Variants in TRPC1 observed in about 807,000 individuals in gnomAD.
TRPC1 encodes the protein transient receptor potential cation channel subfamily C member 1.
TRPC1 carries 42 observed loss-of-function variants against 88.2 expected under a neutral mutation model. That is an observed-to-expected ratio of 0.48 (90% confidence interval 0.37 to 0.62). TRPC1 has a LOEUF of 0.62. TRPC1 is among the 20% of genes least tolerant of loss of function. The pLI, the probability that TRPC1 is intolerant of heterozygous loss-of-function variation, is 0.00. For missense variants in TRPC1, 699 were observed against 957.3 expected, an observed-to-expected ratio of 0.73 and a Z score of 3.56; for synonymous variants, 288 against 331.8, an observed-to-expected ratio of 0.87 and a Z score of 1.43.
intron 4 of TRPC1, among the ~76,000 whole-genome samples, chr3:142,765,223 A>C (rs1391423305): frequency 2.0e-5 from 3 of 152,208 alleles, no homozygotes; most frequent in Non-Finnish European, 4.4e-5. Flanking sequence ...GGAAGAATTA[A>C]TAGTGTTAAA....
In TRPC1 at chr3:142,804,543, G is replaced by A. The variant is rs774811828; in HGVS notation, c.2067G>A (p.Lys689=). ...CTTTCAACATCATTCCCTCACCAAA[G>A]ACTATCTGCTATATGATTAGTAGCC... ...PPPFNIIPSP[K]TICYMISSLS... Residue 689 remains lysine, a synonymous_variant, in exon 12 of 13, where the codon AAG becomes AAA. Transcript: ENST00000476941. The A allele has an allele frequency of 6.2e-6, 10 of 1,613,590 alleles. No homozygotes were observed. Among genetic ancestry groups the A allele is most frequent in the Non-Finnish European group, 8.5e-6 (10 of 1,179,752 alleles).
chr3:142,784,865 T>C lies in TRPC1; in HGVS notation c.1122T>C (p.Ser374=). The C allele has an allele frequency of 6.2e-7, 1 of 1,614,162 alleles. No individual in the cohort carries two copies. Among genetic ancestry groups the C allele is most frequent in the Non-Finnish European group, 8.5e-7 (1 of 1,180,010 alleles). Residue 374 remains serine, a synonymous_variant, in exon 7 of 13, where the codon TCT becomes TCC. Coordinates refer to ENST00000476941, the MANE Select transcript of TRPC1 (RefSeq NM_001251845.2). ...LSLCYLIAPK[S]QFGRIIHTPF... The stretch of plus-strand genomic sequence containing the variant: ...TTTGTTATTTGATAGCTCCCAAATC[T>C]CAGTTTGGCAGAATCATTCACACAC...
chr3:142,791,244 C>T, intron 8 of TRPC1, 86 bp downstream of exon 8: 2 of 1,230,718 alleles, frequency 1.6e-6, no homozygotes, highest in Non-Finnish European at 2.2e-6. Flanking sequence ...CTCAGAGTTA[C>T]ATTGAGCCAG....
Position 142,780,238 on chromosome 3 carries a change from C to T in TRPC1, c.765-596C>T, listed in dbSNP as rs967721077. ...CCTGCCTTTAATAAGCAGTTCAAAC[C>T]CAAGATTCAAGGAATAGGGATTCTG... On this transcript the variant is annotated intron_variant, in intron 5 of 12. Coordinates refer to ENST00000476941, the MANE Select transcript of TRPC1 (RefSeq NM_001251845.2). Among the ~76,000 whole-genome samples the T allele has an allele frequency of 2.6e-5, 4 of 152,110 alleles. No individual in the cohort carries two copies. The South Asian group carries it at 6.2e-4, about 24-fold the overall frequency.
At position 142,802,335 on chromosome 3, in the gene TRPC1, C is replaced by G; in HGVS notation, c.1748C>G (p.Thr583Ser). Reference protein sequence around the residue: ...GIFCEQQSNDTFHSFIGTCFA... With the variant: ...GIFCEQQSNDSFHSFIGTCFA... ...TTCTGTGAACAGCAAAGCAATGATA[C>G]CTTCCATTCGTGAGTATCTTTTAAA... Residue 583 changes from threonine to serine, a missense_variant, in exon 10 of 13, where the codon ACC becomes AGC. By Grantham distance (58) the Thr-to-Ser change is moderately conservative. Coordinates refer to ENST00000476941, the MANE Select transcript of TRPC1 (RefSeq NM_001251845.2). 7.0e-7 allele frequency: 1 copy of G among 1,421,492 alleles called. No homozygotes were observed. Among genetic ancestry groups the G allele is most frequent in the African/African-American group, 1.5e-5 (1 of 67,874 alleles). 88.1% of individuals were successfully genotyped at this position (1,421,492 alleles called of 1,614,324 possible).
intron 7 of TRPC1, among the ~76,000 whole-genome samples, chr3:142,790,705 T>C (rs994499582): frequency 6.6e-6 from 1 of 152,046 alleles, no homozygotes; most frequent in African/African-American, 2.4e-5. Flanking sequence ...TATCCCTGTG[T>C]ATGCATCCAT....
intron 4 of TRPC1, among the ~76,000 whole-genome samples, chr3:142,752,224 A>G (rs1256308611): frequency 1.3e-5 from 2 of 152,198 alleles, no homozygotes; most frequent in African/African-American, 4.8e-5. Context: ...CTCAGTTTTT[A>G]TTGATTATTA....
chr3:142,742,124 C>G (rs552837998), intron 2 of TRPC1, among the ~76,000 whole-genome samples: 9 of 150,224 alleles, frequency 6.0e-5, no homozygotes, highest in Non-Finnish European at 1.3e-4. Context: ...GATTGTGCCA[C>G]TGCACTCCAG....
intron 4 of TRPC1, among the ~76,000 whole-genome samples, chr3:142,764,295 A>G (rs1048269791): frequency 6.6e-6 from 1 of 152,064 alleles, no homozygotes; most frequent in Non-Finnish European, 1.5e-5. Context: ...ATTGTACACC[A>G]CAGATACAGT....
intron 7 of TRPC1, among the ~76,000 whole-genome samples, chr3:142,787,218 A>G (rs1164014070): frequency 2.0e-5 from 3 of 152,214 alleles, no homozygotes; most frequent in African/African-American, 7.2e-5. Flanking sequence ...TTTGATCTGA[A>G]TAAGCCTTGC....
intron 6 of TRPC1, 49 bp from the exon 7 acceptor site, chr3:142,784,655 G>C (rs1307228182): frequency 7.1e-7 from 1 of 1,411,932 alleles, no homozygotes; most frequent in Non-Finnish European, 9.6e-7. Context: ...GTATTTAAAG[G>C]TTTCCTTTTA....
At chr3:142,763,983 T>TATATATATATACAC (rs1441314374) in intron 4 of TRPC1, among the ~76,000 whole-genome samples, 4 of 74,350 alleles carry the variant, frequency 5.4e-5, no homozygotes, top group Admixed American at 2.3e-4. Flanking sequence ...TATATATATA[T>TATATATATATACAC]ACACATACAT....
chr3:142,727,232 A>T (rs894247926), intron 1 of TRPC1, among the ~76,000 whole-genome samples: 7 of 152,228 alleles, frequency 4.6e-5, no homozygotes, highest in Non-Finnish European at 8.8e-5. Context: ...GTAGCACCAG[A>T]GTAAATCAAC....
At chr3:142,772,973 T>C (rs1339879673) in intron 4 of TRPC1, among the ~76,000 whole-genome samples, 1 of 152,164 alleles carries the variant, frequency 6.6e-6, no homozygotes, top group East Asian at 1.9e-4. Flanking sequence ...TGCGTGCCTG[T>C]CTCCACATTT....
At chr3:142,790,607 A>T (rs1314856171) in intron 7 of TRPC1, among the ~76,000 whole-genome samples, 1 of 152,074 alleles carries the variant, frequency 6.6e-6, no homozygotes, top group Non-Finnish European at 1.5e-5. Context: ...AAAGAAAAGG[A>T]TCAGGGACTG....
rs535381129 is a variant in TRPC1, at chr3:142,801,717, A to AT, written c.1582-450dup. Among the ~76,000 whole-genome samples the AT allele has an allele frequency of 1.6e-3, 250 of 152,244 alleles. 1 individual carries two copies. The highest frequency in any genetic ancestry group is 3.0e-3 in the Non-Finnish European group (204 of 67,998). ...ATAGGAGGAAATGCTGATTTTAGGA[A>AT]TTGGTTTAGAATTGGTTTCAAAAAT... On this transcript the variant is annotated intron_variant, in intron 9 of 12. Coordinates refer to ENST00000476941, the MANE Select transcript of TRPC1 (RefSeq NM_001251845.2).
Position 142,724,569 on chromosome 3 carries a change from G to A in TRPC1, c.10G>A (p.Ala4Thr). MMA[A>T]LYPSTDLSGA... Reference sequence around the variant, plus strand: ...CCCTTCATGGGCCGCGATGATGGCGGCCCTGTACCCGAGCACGGACCTCTC... The same window carrying A: ...CCCTTCATGGGCCGCGATGATGGCGACCCTGTACCCGAGCACGGACCTCTC... Residue 4 changes from alanine (A) to threonine (T), a missense_variant, in exon 1 of 13, where the codon GCC becomes ACC. Ala to Thr is a moderately conservative substitution (Grantham distance 58). Transcript: ENST00000476941. This position sits in a 1 kb window ranked among gnomAD's most constrained non-coding sequence, Gnocchi z 5.6. 2 of 1,578,524 alleles carry A rather than the reference G, an allele frequency of 1.3e-6. No homozygotes were observed. Among genetic ancestry groups the A allele is most frequent in the Non-Finnish European group, 1.7e-6 (2 of 1,164,328 alleles).
Position 142,724,847 on chromosome 3 carries a change from C to T in TRPC1, c.172+116C>T. 1 of 1,235,096 alleles carries T rather than the reference C, an allele frequency of 8.1e-7. No homozygotes were observed. Among genetic ancestry groups the T allele is most frequent in the South Asian group, 1.8e-5 (1 of 55,858 alleles). The allele number at this position is 1,235,096 out of a possible 1,614,324, so 76.5% of individuals were successfully genotyped here. Reference sequence around the variant, plus strand: ...TCTGTCTCAGGCGCCGAGTGTCTTCCCGCCTCGCCTGCTGCCTCAGGCGGT... The same window carrying T: ...TCTGTCTCAGGCGCCGAGTGTCTTCTCGCCTCGCCTGCTGCCTCAGGCGGT... On this transcript the variant is annotated intron_variant, in intron 1 of 12. Coordinates refer to ENST00000476941, the MANE Select transcript of TRPC1 (RefSeq NM_001251845.2). This position sits in a 1 kb window ranked among gnomAD's most constrained non-coding sequence, Gnocchi z 5.6.
At position 142,764,005 on chromosome 3, in the gene TRPC1, TATATATATATAA is replaced by T. The variant is rs1560105062; in HGVS notation, c.633-13626_633-13615del. Among the ~76,000 whole-genome samples the T allele has an allele frequency of 1.1e-4, 14 of 126,900 alleles. 1 individual carries two copies. Among genetic ancestry groups the T allele is most frequent in the African/African-American group, 3.3e-4 (11 of 32,998 alleles). 83.3% of individuals were successfully genotyped at this position (126,900 alleles called of 152,430 possible). A position where few individuals can be genotyped will look rare whatever the true frequency, so the allele number is the denominator to read the frequency against. ...ATATACACATACATACATACATATATATATATATATAACAAATTATTTTAAAGAGATGACACT... is the reference window on the plus strand; with the variant it reads ...ATATACACATACATACATACATATATCAAATTATTTTAAAGAGATGACACT... On this transcript the variant is annotated intron_variant, in intron 4 of 12. Transcript: ENST00000476941.
Sources: allele counts gnomAD v4.1 joint callset (sites outside exome capture counted in the v4.1 genomes callset), GRCh38; gene constraint gnomAD v4.1.1; non-coding constraint Gnocchi (gnomAD v3.1); transcripts MANE v1.5; gene names NCBI Gene and HGNC (gene_info 2026-07-23, HGNC 2026-07-21).